NEB: variants seen among roughly 807,000 people sequenced by gnomAD.
The protein encoded by NEB is nebulin.
Under a neutral mutation model 952.2 loss-of-function variants are expected in NEB, and 512 were observed. The ratio of observed to expected loss-of-function variants is 0.54; its 90% CI spans 0.50 to 0.58. NEB has a LOEUF of 0.58. Among genes scored for constraint, NEB ranks in the 20% least tolerant of loss-of-function variants. The probability of loss-of-function intolerance (pLI) is 0.00; values close to 1 mark genes in which losing one functional copy is unlikely to be tolerated. For synonymous variants in NEB, 2,900 were observed against 3,149.8 expected, an observed-to-expected ratio of 0.92 and a Z score of 2.66; for missense variants, 8,428 against 9,231.1, an observed-to-expected ratio of 0.91 and a Z score of 3.56.
At chr2:151,678,675 A>T (rs2099391755) in intron 32 of NEB, among the ~76,000 whole-genome samples, 1 of 152,194 alleles carries the variant, frequency 6.6e-6, no homozygotes, top group South Asian at 2.1e-4. Context: ...ACCCAGAGCC[A>T]GGAGGGGGTA....
chr2:151,546,682 C>T (rs1055492942), intron 133 of NEB, among the ~76,000 whole-genome samples: 15 of 151,900 alleles, frequency 9.9e-5, no homozygotes, highest in Non-Finnish European at 1.3e-4. Context: ...CCTCAGCCTC[C>T]CTAGTAGCTG....
intron 10 of NEB, chr2:151,715,985 A>C (rs2099757790): frequency 3.7e-6 from 1 of 269,256 alleles, no homozygotes; most frequent in South Asian, 3.7e-5. Context: ...TTAGTAAAGT[A>C]TCTTTTAAAA....
rs4303716 is a variant in NEB at position 151,617,487 on chromosome 2, A to G, written c.11077-19T>C. On this transcript the variant is annotated intron_variant, in intron 74 of 181. Coordinates refer to ENST00000397345, the MANE Select transcript of NEB (RefSeq NM_001164508.2). ...ATAAGCGCTACAAAAAAAAAAAAAA[A>G]AGAGAGAGAGAGAGAGAAAAATTAT... is the stretch of plus-strand genomic sequence containing the variant. 0.19 allele frequency: 196,313 copies of G among 1,020,580 alleles called. 10,783 individuals are homozygous for G. Among genetic ancestry groups the G allele is most frequent in the Admixed American group, 0.3 (9,948 of 33,078 alleles). The allele number at this position is 1,020,580 out of a possible 1,614,324, so 63.2% of individuals were successfully genotyped here.
At chr2:151,707,455 C>G (rs1019821573) in intron 12 of NEB, among the ~76,000 whole-genome samples, 3 of 152,328 alleles carry the variant, frequency 2.0e-5, no homozygotes, top group Admixed American at 1.3e-4. Context: ...ACCACTAATC[C>G]ACGCTTTTAT....
chr2:151,673,817 TCCG>T (rs2099329851), intron 36 of NEB, among the ~76,000 whole-genome samples: 1 of 146,066 alleles, frequency 6.8e-6, no homozygotes, highest in South Asian at 2.2e-4. Flanking sequence ...CACTGCAAGC[TCCG>T]CCTCCCGGGT....
intron 10 of NEB, among the ~76,000 whole-genome samples, chr2:151,713,595 T>C (rs1407278488): frequency 1.3e-5 from 2 of 152,196 alleles, no homozygotes; most frequent in African/African-American, 4.8e-5. Flanking sequence ...TGAAATCTCA[T>C]ATTTTTTCTT....
At chr2:151,664,469 C>G (rs558152102) in intron 44 of NEB, 32 bp downstream of exon 44, 4 of 1,484,584 alleles carry the variant, frequency 2.7e-6, no homozygotes, top group Non-Finnish European at 3.6e-6. Flanking sequence ...CTTACTTGCT[C>G]AACCCCAAAA....
At chr2:151,571,305 T>C (rs2096621492) in intron 107 of NEB, among the ~76,000 whole-genome samples, 1 of 152,218 alleles carries the variant, frequency 6.6e-6, no homozygotes, top group Non-Finnish European at 1.5e-5. Flanking sequence ...TTTTCAAATG[T>C]ACAATAAATT....
At chr2:151,504,199 A>G (rs554150754) in intron 165 of NEB, among the ~76,000 whole-genome samples, 2 of 152,316 alleles carry the variant, frequency 1.3e-5, no homozygotes, top group South Asian at 4.1e-4. Context: ...GTATTAGTGC[A>G]TGGCGTGGGG....
At position 151,538,203 on chromosome 2, in the gene NEB, G is replaced by A; in HGVS notation, c.20934C>T (p.Tyr6978=). ...KETFQKTKGK[Y]HTVKDALDIV... ...TGTCTAGGGCATCTTTCACCGTGTG[G>A]TATTTCCCTTTGGTCTTTTGAAATG... The change falls in exon 139 of 182, where the codon TAC becomes TAT. Residue 6978 remains tyrosine, a synonymous_variant. Coordinates refer to ENST00000397345, the MANE Select transcript of NEB (RefSeq NM_001164508.2). 1 of 1,613,230 alleles carries A rather than the reference G, an allele frequency of 6.2e-7. No homozygotes were observed. The highest frequency in any genetic ancestry group is 1.3e-5 in the African/African-American group (1 of 75,022).
rs553375465 is a variant in NEB, at chr2:151,565,722, C to T, written c.18255G>A (p.Met6085Ile). 7.5e-5 allele frequency: 121 copies of T among 1,611,736 alleles called. No homozygotes were observed. The highest frequency in any genetic ancestry group is 9.0e-5 in the Non-Finnish European group (106 of 1,178,846). The change falls in exon 115 of 182, where the codon ATG becomes ATA. Residue 6085 changes from methionine (M) to isoleucine (I), a missense_variant. By Grantham distance (10) the Met-to-Ile change is conservative. This residue lies in a region of NEB where 3,374 missense variants were observed against 3,651.5 expected (regional missense o/e 0.92). Transcript: ENST00000397345. ...HVRVTKNQEM[M>I]SQIKYKKNAL... ...GAGAATAGGCTTTGCGTACCTGACT[C>T]ATCATTTCCTGGTTCTTAGTAACCC...
intron 128 of NEB, among the ~76,000 whole-genome samples, chr2:151,552,138 A>T (rs2095375470): frequency 6.6e-6 from 1 of 152,140 alleles, no homozygotes; most frequent in South Asian, 2.1e-4. Context: ...CAACCTGTGG[A>T]GTTAATAAAG....
chr2:151,560,825 A>G, intron 123 of NEB, 126 bp from the exon 124 acceptor site: 1 of 783,638 alleles, frequency 1.3e-6, no homozygotes, highest in Non-Finnish European at 2.0e-6. Flanking sequence ...ACTCCTCTTT[A>G]AGGTGGGGCT....
chr2:151,489,172 C>T lies in NEB; in HGVS notation c.25404+799G>A, dbSNP rs2053922632. ...TAGGTCTAACACTTATTTAGACCTT[C>T]TTGTATGTCATTTAATAAAGACAGT... is the stretch of plus-strand genomic sequence containing the variant. On this transcript the variant is annotated intron_variant, in intron 181 of 181. Coordinates refer to ENST00000397345, the MANE Select transcript of NEB (RefSeq NM_001164508.2). Among the ~76,000 whole-genome samples, 5 of 152,154 alleles carry T rather than the reference C, an allele frequency of 3.3e-5. No homozygotes were observed. The South Asian group carries it at 1.0e-3, about 32-fold the overall frequency.
At chr2:151,718,540 A>G (rs2099765596) in intron 9 of NEB, among the ~76,000 whole-genome samples, 1 of 152,164 alleles carries the variant, frequency 6.6e-6, no homozygotes, top group Non-Finnish European at 1.5e-5. Context: ...TCTTTCATAG[A>G]GTGAAGAAAC....
rs1256855928 is a variant in NEB, at chr2:151,563,608, C to T, written c.18691G>A (p.Ala6231Thr). The change falls in exon 119 of 182, where the codon GCG becomes ACG. Residue 6231 changes from alanine (A) to threonine (T), a missense_variant and splice_region_variant. Ala to Thr is a moderately conservative substitution (Grantham distance 58). Around this residue, in one of 11 missense-constraint regions of NEB, gnomAD observed 3,374 missense variants for 3,651.5 expected, o/e 0.92. Coordinates refer to ENST00000397345, the MANE Select transcript of NEB (RefSeq NM_001164508.2). Reference sequence around the variant, plus strand: ...TGTTAAAGTGGACATTTACTTACCGCACTCCTCATCTTTTGGAAATCCAGA... The same window carrying T: ...TGTTAAAGTGGACATTTACTTACCGTACTCCTCATCTTTTGGAAATCCAGA... Reference protein sequence around the residue: ...HCLDFQKMRSALNYRKHYEDT... With the variant: ...HCLDFQKMRSTLNYRKHYEDT... 3 of 1,612,286 alleles carry T rather than the reference C, an allele frequency of 1.9e-6. No individual in the cohort carries two copies. In the African/African-American group the frequency reaches 4.0e-5, roughly 22 times the overall value.
rs117602829 is a variant in NEB, at chr2:151,719,448, A to T, written c.718-1928T>A. ...CCCAATCATCTTTATACTTTAACCA[A>T]GTCTAACTGTATCTTATCCCAATAA... On this transcript the variant is annotated intron_variant, in intron 9 of 181. Transcript: ENST00000397345. Among the ~76,000 whole-genome samples the T allele has an allele frequency of 5.0e-3, 761 of 152,338 alleles. 10 individuals are homozygous for T. In the East Asian group the frequency reaches 0.057, roughly 11 times the overall value.
intron 3 of NEB, 40 bp downstream of exon 3, chr2:151,733,081 T>C (rs377555125): frequency 6.5e-5 from 101 of 1,564,764 alleles, no homozygotes; most frequent in Admixed American, 2.0e-4. Context: ...TGTCACTACA[T>C]AAAATAGTTT....
Position 151,524,591 on chromosome 2 carries a change from T to G in NEB, c.22298A>C (p.Glu7433Ala). The change falls in exon 152 of 182, where the codon GAG becomes GCG. Residue 7433 changes from glutamate to alanine, a missense_variant. Coordinates refer to ENST00000397345, the MANE Select transcript of NEB (RefSeq NM_001164508.2). Reference protein sequence around the residue: ...SDVAYRKDAKENLHYTTVADR... With the variant: ...SDVAYRKDAKANLHYTTVADR... Reference sequence around the variant, plus strand: ...AGCCACTGTGGTGTAATGCAGGTTCTCTTTGGCATCTTTTCTGTAAGCGAC... The same window carrying G: ...AGCCACTGTGGTGTAATGCAGGTTCGCTTTGGCATCTTTTCTGTAAGCGAC... 1.2e-6 allele frequency: 2 copies of G among 1,613,234 alleles called. No individual in the cohort carries two copies. The highest frequency in any genetic ancestry group is 1.7e-6 in the Non-Finnish European group (2 of 1,179,592).
Sources: allele counts gnomAD v4.1 joint callset (sites outside exome capture counted in the v4.1 genomes callset), GRCh38; gene constraint gnomAD v4.1.1; regional missense constraint gnomAD v4.1.1; transcripts MANE v1.5; gene names NCBI Gene and HGNC (gene_info 2026-07-23, HGNC 2026-07-21).